MBTD1: variants seen among roughly 807,000 people sequenced by gnomAD.
The protein encoded by MBTD1 is mbt domain containing 1.
A neutral mutation model predicts 87.8 loss-of-function variants in MBTD1; 24 were observed. The observed-to-expected ratio is 0.27, with a 90% confidence interval of 0.20 to 0.38. The LOEUF (loss-of-function observed/expected upper bound fraction) is 0.38, where lower values mean the gene tolerates loss of function less well. MBTD1 is among the 10% of genes least tolerant of loss of function. The probability of loss-of-function intolerance (pLI) is 1.00; values close to 1 mark genes in which losing one functional copy is unlikely to be tolerated. For synonymous variants in MBTD1, 237 were observed against 248.6 expected (o/e 0.95, Z 0.44); for missense variants, 436 against 760.2 (o/e 0.57, Z 5.02).
In MBTD1 at chr17:51,225,212, T is replaced by C. The variant is rs1156455984; in HGVS notation, c.-48-3A>G. ...TCAGATCGTGAAGAATGTTCAGTCTTTGAAGTAAGAGAAACCAGTGACACA... is the reference window on the plus strand; with the variant it reads ...TCAGATCGTGAAGAATGTTCAGTCTCTGAAGTAAGAGAAACCAGTGACACA... On this transcript the variant is annotated splice_region_variant and splice_polypyrimidine_tract_variant and intron_variant, in intron 2 of 16. Transcript: ENST00000586178. 4 of 1,482,106 alleles carry C rather than the reference T, an allele frequency of 2.7e-6. No individual in the cohort carries two copies. The highest frequency in any genetic ancestry group is 2.8e-5 in the African/African-American group (2 of 70,868). The allele number at this position is 1,482,106 out of a possible 1,614,324, so 91.8% of individuals were successfully genotyped here.
At chr17:51,210,667 A>T (rs887993437) in intron 6 of MBTD1, among the ~76,000 whole-genome samples, 1 of 151,992 alleles carries the variant, frequency 6.6e-6, no homozygotes, top group Non-Finnish European at 1.5e-5. Context: ...GAGGCAGGAG[A>T]ATCACTTGAA....
At chr17:51,257,617 T>C (rs2055168015) in intron 2 of MBTD1, among the ~76,000 whole-genome samples, 1 of 152,160 alleles carries the variant, frequency 6.6e-6, no homozygotes, top group Non-Finnish European at 1.5e-5. Flanking sequence ...GTCTTAAAAA[T>C]AAAACCAGTT....
Position 51,180,621 on chromosome 17 carries a change from C to G in MBTD1, c.1842G>C (p.Gln614His). The part of the protein sequence containing the change: ...DYNFLQGASD[Q>H]ESNGSANFYI... The stretch of plus-strand genomic sequence containing the variant: ...AGAAGTTGGCAGAGCCATTGCTTTC[C>G]TGATCAGACGCTCCTTGAAGGAAAT... Residue 614 changes from glutamine to histidine, a missense_variant, in exon 17 of 17, where the codon CAG becomes CAC. Coordinates refer to ENST00000586178, the MANE Select transcript of MBTD1 (RefSeq NM_017643.3). 1 of 1,551,784 alleles carries G rather than the reference C, an allele frequency of 6.4e-7. No individual in the cohort carries two copies. Among genetic ancestry groups the G allele is most frequent in the Non-Finnish European group, 8.7e-7 (1 of 1,146,824 alleles).
chr17:51,218,903 C>A, intron 5 of MBTD1, 27 bp downstream of exon 5: 1 of 1,265,118 alleles, frequency 7.9e-7, no homozygotes, highest in East Asian at 2.5e-5. Flanking sequence ...TCATATATTT[C>A]ACCTCTGTCA....
At position 51,193,456 on chromosome 17, in the gene MBTD1, A is replaced by G. The variant is rs1320339309; in HGVS notation, c.1427T>C (p.Ile476Thr). ...WFDYLRETGS[I>T]AAPVKLFNKD... ...ATTAAATAGTTTTACTGGTGCTGCAATGGAGCCAGTTTCCCTGAGGTAGTC... is the reference window on the plus strand; with the variant it reads ...ATTAAATAGTTTTACTGGTGCTGCAGTGGAGCCAGTTTCCCTGAGGTAGTC... The change falls in exon 14 of 17, where the codon ATT (isoleucine) becomes ACT (threonine). Residue 476 changes from isoleucine (I) to threonine (T), a missense_variant. Ile to Thr is a moderately conservative substitution (Grantham distance 89). Transcript: ENST00000586178. 1 of 1,612,776 alleles carries G rather than the reference A, an allele frequency of 6.2e-7. No homozygotes were observed. The highest frequency in any genetic ancestry group is 1.1e-5 in the South Asian group (1 of 90,970).
At chr17:51,208,033 A>G (rs1316074299) in intron 6 of MBTD1, among the ~76,000 whole-genome samples, 2 of 152,220 alleles carry the variant, frequency 1.3e-5, no homozygotes, top group Non-Finnish European at 2.9e-5. Context: ...ATGAGCAAAG[A>G]TATCTAGGAG....
In MBTD1 at chr17:51,198,888, C is replaced by A. The variant is rs553088417; in HGVS notation, c.1224+2704G>T. Among the ~76,000 whole-genome samples the A allele has an allele frequency of 9.2e-5, 14 of 152,050 alleles. 1 individual carries two copies. In the South Asian group the frequency reaches 1.9e-3, roughly 20 times the overall value. On this transcript the variant is annotated intron_variant, in intron 12 of 16. Coordinates refer to ENST00000586178, the MANE Select transcript of MBTD1 (RefSeq NM_017643.3). ...CTCGATCTCAGCTCACTGCAACCTC[C>A]ACCTCCCAGGTTCAAGTGATTCTCT...
chr17:51,195,563 A>G (rs972363676), intron 12 of MBTD1, among the ~76,000 whole-genome samples: 2 of 152,210 alleles, frequency 1.3e-5, no homozygotes, highest in African/African-American at 4.8e-5. Flanking sequence ...CAGAAACAAA[A>G]GCAGGATTAC....
intron 2 of MBTD1, among the ~76,000 whole-genome samples, chr17:51,226,476 C>G (rs2053225832): frequency 6.6e-6 from 1 of 151,196 alleles, no homozygotes; most frequent in African/African-American, 2.4e-5. Context: ...GCACTCCAGC[C>G]TGTGTGACAG....
At chr17:51,180,978 GT>G (rs1390659185) in intron 16 of MBTD1, among the ~76,000 whole-genome samples, 1 of 149,878 alleles carries the variant, frequency 6.7e-6, no homozygotes, top group Non-Finnish European at 1.5e-5. Flanking sequence ...GTCAATGTTT[GT>G]ACAAACAATG....
intron 2 of MBTD1, among the ~76,000 whole-genome samples, chr17:51,232,433 T>C (rs1276494354): frequency 1.3e-5 from 2 of 152,034 alleles, no homozygotes; most frequent in East Asian, 1.9e-4. Context: ...GGCATTGGAA[T>C]TGACAGAGAC....
chr17:51,233,126 A>G (rs1047359115), intron 2 of MBTD1, among the ~76,000 whole-genome samples: 1 of 151,454 alleles, frequency 6.6e-6, no homozygotes, highest in African/African-American at 2.4e-5. Flanking sequence ...AGATAAAACT[A>G]TAATGTAAAT....
chr17:51,260,833 C>T, upstream of MBTD1: 2 of 1,597,648 alleles, frequency 1.3e-6, no homozygotes, highest in South Asian at 2.3e-5. Flanking sequence ...TGGAGGAGGA[C>T]AAACCGGCCG....
chr17:51,213,036 A>G (rs903185020), intron 6 of MBTD1, among the ~76,000 whole-genome samples: 6 of 150,320 alleles, frequency 4.0e-5, no homozygotes, highest in African/African-American at 1.5e-4. Flanking sequence ...CCTGAAGAGC[A>G]TATATTTTTA....
At chr17:51,194,658 G>T (rs1311258622) in intron 13 of MBTD1, among the ~76,000 whole-genome samples, 1 of 151,126 alleles carries the variant, frequency 6.6e-6, no homozygotes, top group Non-Finnish European at 1.5e-5. Context: ...GAGGTGGGAG[G>T]ATCAGTTGAG....
rs2051499863 is a variant in MBTD1, at chr17:51,201,684, C to G, written c.1132G>C (p.Asp378His). The change falls in exon 12 of 17, where the codon GAC becomes CAC. Residue 378 changes from aspartate to histidine, a missense_variant. This residue lies in a region of MBTD1 where 268 missense variants were observed against 401.8 expected (regional missense o/e 0.67). Coordinates refer to ENST00000586178, the MANE Select transcript of MBTD1 (RefSeq NM_017643.3). ...PHLFAKVKEVDQSGEWFKEGM... is the reference protein window; with the variant it reads ...PHLFAKVKEVHQSGEWFKEGM... Reference sequence around the variant, plus strand: ...TCCTTGAACCATTCCCCACTCTGGTCTACTTCTTTTACCTAAAGAATTATA... The same window carrying G: ...TCCTTGAACCATTCCCCACTCTGGTGTACTTCTTTTACCTAAAGAATTATA... The G allele has an allele frequency of 4.4e-6, 7 of 1,602,868 alleles. No individual in the cohort carries two copies. The highest frequency in any genetic ancestry group is 6.0e-6 in the Non-Finnish European group (7 of 1,171,108).
At chr17:51,190,750 A>AAAAAAATATATATATAT (rs1555677185) in intron 16 of MBTD1, among the ~76,000 whole-genome samples, 4 of 39,712 alleles carry the variant, frequency 1.0e-4, no homozygotes, top group African/African-American at 6.1e-4. Context: ...AAAAAAAAAA[A>AAAAAAATATATATATAT]ATATATATAT....
At position 51,179,498 on chromosome 17, in the gene MBTD1, A is replaced by ATATT. The variant is rs2050214177; in HGVS notation, c.*1077_*1078insAATA. On this transcript the variant is annotated 3_prime_UTR_variant, in exon 17 of 17. Transcript: ENST00000586178. ...TAAAGACAATTTTATATATATATAT[A>ATATT]TATATATATATATATATATATATAT... 1.7e-5 allele frequency: 1 copy of ATATT among 58,436 alleles called. No individual in the cohort carries two copies. The highest frequency in any genetic ancestry group is 5.6e-5 in the African/African-American group (1 of 17,756). The allele number at this position is 58,436 out of a possible 1,614,324, so 3.6% of individuals were successfully genotyped here.
At chr17:51,191,085 G>A (rs1351859191) in intron 16 of MBTD1, among the ~76,000 whole-genome samples, 1 of 151,798 alleles carries the variant, frequency 6.6e-6, no homozygotes, top group African/African-American at 2.4e-5. Context: ...GTAAGGCCTT[G>A]TCTCAAAAAA....
Sources: allele counts gnomAD v4.1 joint callset (sites outside exome capture counted in the v4.1 genomes callset), GRCh38; gene constraint gnomAD v4.1.1; regional missense constraint gnomAD v4.1.1; transcripts MANE v1.5; gene names NCBI Gene and HGNC (gene_info 2026-07-23, HGNC 2026-07-21).